CRACD: variants seen among roughly 807,000 people sequenced by gnomAD.
CRACD encodes capping protein inhibiting regulator of actin dynamics, also known as capping protein-inhibiting regulator of actin dynamics.
A neutral mutation model predicts 106.8 loss-of-function variants in CRACD; 56 were observed. That is an observed-to-expected ratio of 0.52 (90% CI 0.42 to 0.66). The LOEUF (loss-of-function observed/expected upper bound fraction) is 0.66. Among genes scored for constraint, CRACD ranks in the 30% least tolerant of loss-of-function variants. The pLI is 0.00. For synonymous variants in CRACD, 754 were observed against 670.8 expected (o/e 1.12, Z -1.92); for missense variants, 1,730 against 1,623.2 (o/e 1.07, Z -1.13).
At chr4:56,210,737 C>T (rs1043477935) in intron 2 of CRACD, among the ~76,000 whole-genome samples, 2 of 152,170 alleles carry the variant, frequency 1.3e-5, no homozygotes, top group Non-Finnish European at 2.9e-5. Context: ...ATTTCTTTTA[C>T]AAAACGATTT....
chr4:56,254,208 G>C (rs373786575), intron 2 of CRACD, among the ~76,000 whole-genome samples: 2 of 152,194 alleles, frequency 1.3e-5, no homozygotes, highest in South Asian at 4.1e-4. Context: ...TCACAGGGCT[G>C]TTTCATCTAC....
chr4:56,301,735 G>A (rs935586491), intron 4 of CRACD, among the ~76,000 whole-genome samples: 1 of 151,488 alleles, frequency 6.6e-6, no homozygotes, highest in Admixed American at 6.6e-5. Context: ...ATCTCTCCAC[G>A]GAGTACAGAA....
At chr4:56,219,387 G>A (rs758204419) in intron 2 of CRACD, among the ~76,000 whole-genome samples, 10 of 151,950 alleles carry the variant, frequency 6.6e-5, no homozygotes, top group South Asian at 2.1e-4. Flanking sequence ...TTGCTCTTTC[G>A]CCCAGGCTGG....
chr4:56,083,160 A>G (rs1733094501), intron 1 of CRACD, among the ~76,000 whole-genome samples: 1 of 152,204 alleles, frequency 6.6e-6, no homozygotes, highest in Non-Finnish European at 1.5e-5. Flanking sequence ...TGATAACAAG[A>G]CACAGACCAA....
intron 3 of CRACD, among the ~76,000 whole-genome samples, chr4:56,273,792 G>A (rs58776047): frequency 0.22 from 32,838 of 152,040 alleles, 4,098 homozygotes; most frequent in East Asian, 0.39. Flanking sequence ...CTTGTATTAC[G>A]TGCTCAAAAA....
intron 1 of CRACD, among the ~76,000 whole-genome samples, chr4:56,169,874 G>C (rs1736292990): frequency 6.6e-6 from 1 of 152,158 alleles, no homozygotes; most frequent in South Asian, 2.1e-4. Flanking sequence ...ATGTGCTTGT[G>C]AACAGTTGCC....
chr4:56,320,351 T>G (rs1163622247), intron 8 of CRACD, among the ~76,000 whole-genome samples: 2 of 152,144 alleles, frequency 1.3e-5, no homozygotes, highest in Non-Finnish European at 2.9e-5. Flanking sequence ...GCCTGTCCAC[T>G]GAGTTTAGAA....
chr4:56,130,452 T>A (rs1366921716), intron 1 of CRACD, among the ~76,000 whole-genome samples: 2 of 152,284 alleles, frequency 1.3e-5, no homozygotes, highest in East Asian at 3.9e-4. Context: ...CAATTCTTAT[T>A]CCAATATTGG....
intron 2 of CRACD, chr4:56,196,466 G>GAGAC (rs1737615400): frequency 6.5e-6 from 1 of 153,162 alleles, no homozygotes; most frequent in African/African-American, 2.4e-5. Flanking sequence ...GCAAATTAAA[G>GAGAC]AGACAGAAGC....
intron 2 of CRACD, among the ~76,000 whole-genome samples, chr4:56,199,702 A>G (rs1325206041): frequency 6.6e-6 from 1 of 151,576 alleles, no homozygotes; most frequent in African/African-American, 2.4e-5. Flanking sequence ...AAGAAAAGAA[A>G]AAAAAAGAAA....
At chr4:56,265,424 G>A (rs62310605) in intron 2 of CRACD, among the ~76,000 whole-genome samples, 9 of 100,184 alleles carry the variant, frequency 9.0e-5, no homozygotes, top group South Asian at 6.9e-4. Context: ...GTGTGTGTGT[G>A]TGTGTGTGTG....
Position 56,276,498 on chromosome 4 carries a change from A to G in CRACD, c.-17+4006A>G, listed in dbSNP as rs569613040. Among the ~76,000 whole-genome samples the G allele has an allele frequency of 3.9e-5, 6 of 152,336 alleles. No homozygotes were observed. In the South Asian group the frequency reaches 1.2e-3, roughly 32 times the overall value. On this transcript the variant is annotated intron_variant, in intron 3 of 10. Coordinates refer to ENST00000682029, the MANE Select transcript of CRACD (RefSeq NM_001393381.1). ...AGGTACCACTAATTGAAGTTATTAC[A>G]GTGTATTCACTTTTGCATAGGTGAA...
Position 56,314,179 on chromosome 4 carries a change from A to G in CRACD, c.677A>G (p.Asp226Gly). The change falls in exon 8 of 11, where the codon GAC becomes GGC. Residue 226 changes from aspartate to glycine, a missense_variant. By Grantham distance (94) the Asp-to-Gly change is moderately conservative. Transcript: ENST00000682029. This position sits in a 1 kb window ranked among gnomAD's most constrained non-coding sequence, Gnocchi z 4.4. ...GAGGAAGAGAGAAGACGCCAAGAAG[A>G]CTACTGGCGAGAACTGGAGGCCAAG... ...DSEEERRRQE[D>G]YWRELEAKCK... The G allele has an allele frequency of 6.2e-7, 1 of 1,613,416 alleles. No homozygotes were observed. Among genetic ancestry groups the G allele is most frequent in the Non-Finnish European group, 8.5e-7 (1 of 1,179,712 alleles).
rs1746566953 is a variant in CRACD at position 56,327,933 on chromosome 4, A to C, written c.*129A>C. 1.2e-6 allele frequency: 1 copy of C among 816,580 alleles called. No homozygotes were observed. The highest frequency in any genetic ancestry group is 3.0e-5 in the Admixed American group (1 of 33,898). The allele number at this position is 816,580 out of a possible 1,614,324, so 50.6% of individuals were successfully genotyped here. The stretch of plus-strand genomic sequence containing the variant: ...AAGCATGTTTTATAGGCTCCAAAAT[A>C]ATGTTTAGAAACTGAACTGGTGGTG... On this transcript the variant is annotated 3_prime_UTR_variant, in exon 11 of 11. Transcript: ENST00000682029.
At chr4:56,068,813 T>C (rs953380882) in intron 1 of CRACD, among the ~76,000 whole-genome samples, 5 of 152,144 alleles carry the variant, frequency 3.3e-5, no homozygotes, top group Non-Finnish European at 7.4e-5. Context: ...TTAAGTGCTG[T>C]GGTGGGCTGA....
Position 56,316,264 on chromosome 4 carries a change from C to G in CRACD, c.2762C>G (p.Ala921Gly), listed in dbSNP as rs578106686. ...KQAPSTRRDS[A>G]EPSSSRSVPV... ...GCCCCTTCCACCCGGAGGGACTCCGCTGAACCTTCCAGCAGCCGCTCTGTT... is the reference window on the plus strand; with the variant it reads ...GCCCCTTCCACCCGGAGGGACTCCGGTGAACCTTCCAGCAGCCGCTCTGTT... Residue 921 changes from alanine to glycine, a missense_variant, in exon 8 of 11, where the codon GCT becomes GGT. Ala to Gly is a moderately conservative substitution (Grantham distance 60, BLOSUM62 0). This residue lies in a region of CRACD where 1,620 missense variants were observed against 1,481.6 expected (regional missense o/e 1.09). Coordinates refer to ENST00000682029, the MANE Select transcript of CRACD (RefSeq NM_001393381.1). The G allele has an allele frequency of 1.2e-6, 2 of 1,613,994 alleles. No individual in the cohort carries two copies. The highest frequency in any genetic ancestry group is 1.7e-6 in the Non-Finnish European group (2 of 1,179,870).
At chr4:56,301,161 T>C in intron 4 of CRACD, 2 of 1,117,984 alleles carry the variant, frequency 1.8e-6, no homozygotes, top group South Asian at 2.7e-5. Flanking sequence ...AAATGTGATT[T>C]TTTTTTTGGC....
chr4:56,217,082 G>C (rs1386989017), intron 2 of CRACD, among the ~76,000 whole-genome samples: 2 of 152,032 alleles, frequency 1.3e-5, no homozygotes, highest in Non-Finnish European at 2.9e-5. Flanking sequence ...ACATTCAGAG[G>C]GGTCCCTCTG....
At chr4:56,060,472 T>C (rs1732233963) in intron 1 of CRACD, among the ~76,000 whole-genome samples, 1 of 151,722 alleles carries the variant, frequency 6.6e-6, no homozygotes, top group South Asian at 2.1e-4. Flanking sequence ...GGAGTAGAAA[T>C]GTAACAGATG....
Sources: allele counts gnomAD v4.1 joint callset (sites outside exome capture counted in the v4.1 genomes callset), GRCh38; gene constraint gnomAD v4.1.1; regional missense constraint gnomAD v4.1.1; non-coding constraint Gnocchi (gnomAD v3.1); transcripts MANE v1.5; gene names NCBI Gene and HGNC (gene_info 2026-07-23, HGNC 2026-07-21).